RBKS: variants seen among roughly 807,000 people sequenced by gnomAD.
RBKS encodes ribokinase.
Under a neutral mutation model 33.9 loss-of-function variants are expected in RBKS, and 33 were observed. The ratio of observed to expected loss-of-function variants is 0.97; its 90% CI spans 0.74 to 1.30. RBKS has a LOEUF of 1.30. Ranked by LOEUF, RBKS falls within the 50% of genes most tolerant of loss-of-function variation. The pLI, the probability that RBKS is intolerant of heterozygous loss-of-function variation, is 0.00. For missense variants in RBKS, 361 were observed against 392.6 expected, an observed-to-expected ratio of 0.92 and a Z score of 0.68; for synonymous variants, 125 against 143.0, an observed-to-expected ratio of 0.87 and a Z score of 0.90.
chr2:27,883,231 G>A (rs1439761176), intron 1 of RBKS, among the ~76,000 whole-genome samples: 50 of 143,140 alleles, frequency 3.5e-4, no homozygotes, highest in African/African-American at 1.1e-3. Flanking sequence ...ACGGAGTCTC[G>A]CTCTGTCACC....
intron 7 of RBKS, among the ~76,000 whole-genome samples, chr2:27,800,546 A>G (rs114400609): frequency 1.3e-5 from 2 of 152,154 alleles, no homozygotes; most frequent in African/African-American, 4.8e-5. Context: ...CAGGTGTTCA[A>G]CAAAGGTGAG....
At chr2:27,789,984 T>C (rs1289783635) in intron 7 of RBKS, among the ~76,000 whole-genome samples, 1 of 137,440 alleles carries the variant, frequency 7.3e-6, no homozygotes, top group Non-Finnish European at 1.5e-5. Context: ...TATATATATA[T>C]GTAGAGAGAG....
intron 1 of RBKS, among the ~76,000 whole-genome samples, chr2:27,874,847 T>C (rs140824286): frequency 1.5e-4 from 23 of 152,292 alleles, no homozygotes; most frequent in African/African-American, 5.5e-4. Flanking sequence ...GGGTTGAGAA[T>C]CTCTCTCATC....
chr2:27,842,225 A>G (rs558983886), intron 5 of RBKS, among the ~76,000 whole-genome samples: 22 of 152,296 alleles, frequency 1.4e-4, no homozygotes, highest in African/African-American at 4.3e-4. Flanking sequence ...GGATTTTTAA[A>G]AAGTTTGTTA....
At chr2:27,800,235 A>G (rs945463770) in intron 7 of RBKS, among the ~76,000 whole-genome samples, 2 of 151,994 alleles carry the variant, frequency 1.3e-5, no homozygotes, top group African/African-American at 4.8e-5. Context: ...TCATCTTTTA[A>G]GAATGGTAAA....
rs537333338 is a variant in RBKS at position 27,815,290 on chromosome 2, C to T, written c.795+12277G>A. Among the ~76,000 whole-genome samples, 15 of 152,196 alleles carry T rather than the reference C, an allele frequency of 9.9e-5. No individual in the cohort carries two copies. In the South Asian group the frequency reaches 3.1e-3, roughly 32 times the overall value. ...TGGCATGATCTCAGCTCACTGCAGC[C>T]TTGGTCTCCCAGGCTCAAGTGATCC... On this transcript the variant is annotated intron_variant, in intron 7 of 7. Transcript: ENST00000302188.
chr2:27,887,413 C>T (rs62140363), intron 1 of RBKS, among the ~76,000 whole-genome samples: 28,631 of 152,096 alleles, frequency 0.19, 3,390 homozygotes, highest in Non-Finnish European at 0.28. Flanking sequence ...AATAAACTTG[C>T]GTTAATTATT....
At chr2:27,855,514 G>C (rs1340041932) in intron 2 of RBKS, among the ~76,000 whole-genome samples, 1 of 152,198 alleles carries the variant, frequency 6.6e-6, no homozygotes, top group Non-Finnish European at 1.5e-5. Flanking sequence ...CAATGGAATG[G>C]AGCAGGAAAC....
At chr2:27,860,938 A>G (rs1470001991) in intron 1 of RBKS, among the ~76,000 whole-genome samples, 1 of 151,508 alleles carries the variant, frequency 6.6e-6, no homozygotes, top group Non-Finnish European at 1.5e-5. Flanking sequence ...TTTTTGTAAG[A>G]GTCTCCCTTT....
At chr2:27,885,634 C>T (rs1664512286) in intron 1 of RBKS, among the ~76,000 whole-genome samples, 1 of 152,132 alleles carries the variant, frequency 6.6e-6, no homozygotes, top group Non-Finnish European at 1.5e-5. Context: ...TTCAGTGAGG[C>T]TTTCTGAAGC....
At chr2:27,862,709 T>C (rs1244131881) in intron 1 of RBKS, among the ~76,000 whole-genome samples, 2 of 152,220 alleles carry the variant, frequency 1.3e-5, no homozygotes, top group African/African-American at 2.4e-5. Context: ...TAACTGACTA[T>C]GTGCACTTAA....
intron 2 of RBKS, among the ~76,000 whole-genome samples, chr2:27,854,431 T>A (rs971908640): frequency 5.3e-5 from 8 of 152,190 alleles, no homozygotes; most frequent in African/African-American, 1.9e-4. Flanking sequence ...AAGCAGGATC[T>A]GGTCAAAACA....
At chr2:27,877,534 T>C (rs1335207417) in intron 1 of RBKS, among the ~76,000 whole-genome samples, 1 of 152,156 alleles carries the variant, frequency 6.6e-6, no homozygotes, top group Non-Finnish European at 1.5e-5. Flanking sequence ...TCTTAATTAT[T>C]TGATACCATT....
chr2:27,838,140 C>T (rs1678564146), intron 5 of RBKS, among the ~76,000 whole-genome samples: 1 of 152,118 alleles, frequency 6.6e-6, no homozygotes, highest in African/African-American at 2.4e-5. Context: ...GTGGAGGCTG[C>T]AGTGAGCTGA....
At chr2:27,863,493 C>T (rs1302057028) in intron 1 of RBKS, among the ~76,000 whole-genome samples, 1 of 152,240 alleles carries the variant, frequency 6.6e-6, no homozygotes, top group Non-Finnish European at 1.5e-5. Context: ...AACAACTTAT[C>T]AATTGCTTTT....
chr2:27,797,806 C>G (rs1483319740), intron 7 of RBKS, among the ~76,000 whole-genome samples: 1 of 152,102 alleles, frequency 6.6e-6, no homozygotes, highest in Non-Finnish European at 1.5e-5. Context: ...AGAGTCTGAC[C>G]TGGATCAGGA....
At chr2:27,789,925 GTATATATA>G (rs376783086) in intron 7 of RBKS, among the ~76,000 whole-genome samples, 1 of 130,628 alleles carries the variant, frequency 7.7e-6, no homozygotes, top group African/African-American at 2.9e-5. Flanking sequence ...GTTTGTGTGT[GTATATATA>G]TATATATGTA....
intron 1 of RBKS, among the ~76,000 whole-genome samples, chr2:27,876,031 A>C (rs1241379388): frequency 6.6e-6 from 1 of 152,208 alleles, no homozygotes; most frequent in Non-Finnish European, 1.5e-5. Flanking sequence ...AAGATGCAAG[A>C]AACTAAAAGG....
chr2:27,824,858 G>A (rs888091338), intron 7 of RBKS, among the ~76,000 whole-genome samples: 1 of 152,146 alleles, frequency 6.6e-6, no homozygotes, highest in Non-Finnish European at 1.5e-5. Context: ...TTTTAGGGTT[G>A]GGCATGGTGG....
Sources: gnomAD v4.1 joint callset for allele counts (sites outside exome capture counted in the v4.1 genomes callset) on GRCh38, gnomAD v4.1.1 for gene constraint, MANE v1.5 for transcripts, NCBI Gene and HGNC (gene_info 2026-07-23, HGNC 2026-07-21) for gene names.